The following PAK4 variants were observed in gnomAD, a reference collection of about 807,000 sequenced individuals.
The protein encoded by PAK4 is serine/threonine-protein kinase PAK 4.
Under a neutral mutation model 53.5 loss-of-function variants are expected in PAK4, and 49 were observed. The ratio of observed to expected loss-of-function variants is 0.92; its 90% CI spans 0.73 to 1.16. The LOEUF is 1.16. PAK4 is among the 50% of genes most tolerant of loss of function. The probability of loss-of-function intolerance (pLI) is 0.00; values close to 1 mark genes in which losing one functional copy is unlikely to be tolerated. For synonymous variants in PAK4, 376 were observed against 375.6 expected, an observed-to-expected ratio of 1.00 and a Z score of -0.01; for missense variants, 824 against 850.7, an observed-to-expected ratio of 0.97 and a Z score of 0.39.
chr19:39,130,038 C>T (rs1209415648), intron 1 of PAK4, among the ~76,000 whole-genome samples: 1 of 137,746 alleles, frequency 7.3e-6, no homozygotes, highest in East Asian at 2.3e-4. Context: ...GGTGACAGCC[C>T]AGAGAGGCCA....
At chr19:39,132,759 C>T (rs778617050) in intron 1 of PAK4, among the ~76,000 whole-genome samples, 1 of 152,232 alleles carries the variant, frequency 6.6e-6, no homozygotes, top group East Asian at 1.9e-4. Context: ...GTCTGGCTCA[C>T]ACTCCCACCC....
rs1300465666 is a variant in PAK4 at position 39,161,203 on chromosome 19, T to TG, written c.-22-8328dup. 6.6e-6 allele frequency among the ~76,000 whole-genome samples: 1 copy of TG among 152,220 alleles called. No individual in the cohort carries two copies. The highest frequency in any genetic ancestry group is 6.5e-5 in the Admixed American group (1 of 15,284). On this transcript the variant is annotated intron_variant, in intron 1 of 8. Transcript: ENST00000358301. The surrounding 1 kb of genome is among the most constrained non-coding windows in gnomAD (Gnocchi z 4.5). ...CCACGCCCTGCTGTAGGCACTGAAA[T>TG]GCAGCCATCATGAACCAAAACGCGG...
intron 1 of PAK4, among the ~76,000 whole-genome samples, chr19:39,152,869 C>T (rs2074115636): frequency 1.3e-5 from 2 of 152,038 alleles, no homozygotes; most frequent in African/African-American, 4.8e-5. Context: ...CCCTCAGGAT[C>T]ACGGGTTCTG....
intron 1 of PAK4, among the ~76,000 whole-genome samples, chr19:39,129,929 T>C (rs1218106848): frequency 6.6e-6 from 1 of 152,088 alleles, no homozygotes; most frequent in Non-Finnish European, 1.5e-5. Flanking sequence ...ACATTCTTTC[T>C]GTGTATCTGA....
intron 1 of PAK4, among the ~76,000 whole-genome samples, chr19:39,162,922 G>A (rs1281029915): frequency 1.3e-5 from 2 of 152,140 alleles, no homozygotes; most frequent in Non-Finnish European, 2.9e-5. Context: ...ACTCCTTGGA[G>A]GAACGAGGCT....
intron 1 of PAK4, among the ~76,000 whole-genome samples, chr19:39,138,144 A>G (rs1022331805): frequency 6.6e-6 from 1 of 152,042 alleles, no homozygotes; most frequent in African/African-American, 2.4e-5. Context: ...ACCCTGGGCT[A>G]ATGGGCTAAT....
intron 1 of PAK4, among the ~76,000 whole-genome samples, chr19:39,166,304 C>T (rs980507252): frequency 1.1e-4 from 17 of 152,168 alleles, no homozygotes; most frequent in African/African-American, 3.9e-4. Flanking sequence ...ATTAGCTGGG[C>T]GTGGTGGCAG....
At chr19:39,176,704 T>G in exon 7 of PAK4, 1 of 1,610,188 alleles carries the variant, frequency 6.2e-7, no homozygotes, top group Non-Finnish European at 8.5e-7. Flanking sequence ...CCGCCTTCCC[T>G]ACGGGCCAGA....
chr19:39,174,289 C>T (rs1312076452), intron 4 of PAK4, among the ~76,000 whole-genome samples: 1 of 151,970 alleles, frequency 6.6e-6, no homozygotes, highest in East Asian at 1.9e-4. Flanking sequence ...CTCGCACCCA[C>T]TGAGGCCCGC....
At chr19:39,166,806 T>C (rs2074383767) in intron 1 of PAK4, among the ~76,000 whole-genome samples, 1 of 152,122 alleles carries the variant, frequency 6.6e-6, no homozygotes, top group African/African-American at 2.4e-5. Context: ...GAGCATCTGT[T>C]GGGAAGGGAG....
intron 1 of PAK4, among the ~76,000 whole-genome samples, chr19:39,154,136 G>GA (rs1255587769): frequency 6.6e-6 from 1 of 152,024 alleles, no homozygotes; most frequent in Admixed American, 6.6e-5. Flanking sequence ...ACCTCCTGGG[G>GA]ACGAGCATTT....
At chr19:39,147,424 A>AT (rs1158874701) in intron 1 of PAK4, among the ~76,000 whole-genome samples, 1 of 152,008 alleles carries the variant, frequency 6.6e-6, no homozygotes, top group East Asian at 1.9e-4. Context: ...GGTTTTTCTA[A>AT]TTTTTTGGCT....
chr19:39,141,338 CAG>C (rs1267577758), intron 1 of PAK4, among the ~76,000 whole-genome samples: 2 of 149,206 alleles, frequency 1.3e-5, no homozygotes, highest in African/African-American at 4.9e-5. Context: ...TTTTTTGAGA[CAG>C]AGTCTCACTC....
rs141750252 is a variant in PAK4 at position 39,178,336 on chromosome 19, G to T, written c.1621-88G>T. 39 of 1,440,394 alleles carry T rather than the reference G, an allele frequency of 2.7e-5. 1 individual carries two copies. The Middle Eastern group carries it at 5.2e-4, about 19-fold the overall frequency. The allele number at this position is 1,440,394 out of a possible 1,614,324, so 89.2% of individuals were successfully genotyped here. ...CCCTCCTGCACAGTACATGCCGCCA[G>T]CCGACTTGGCAGAGGCGGACACTGC... On this transcript the variant is annotated intron_variant, in intron 8 of 8. Transcript: ENST00000358301. The surrounding 1 kb of genome is among the most constrained non-coding windows in gnomAD (Gnocchi z 4.4).
At position 39,173,902 on chromosome 19, in the gene PAK4, C is replaced by G; in HGVS notation, c.990C>G (p.Gly330=). 1.2e-6 allele frequency: 2 copies of G among 1,612,324 alleles called. No individual in the cohort carries two copies. The highest frequency in any genetic ancestry group is 2.2e-5 in the South Asian group (2 of 90,990). The change falls in exon 4 of 9, where the codon GGC becomes GGG. Residue 330 remains glycine (G), a synonymous_variant. Coordinates refer to ENST00000358301, the Ensembl canonical transcript of PAK4. The surrounding 1 kb of genome is among the most constrained non-coding windows in gnomAD (Gnocchi z 6.9). Reference sequence around the variant, plus strand: ...ACAACTTCATCAAGATTGGCGAGGGCTCCACGGGCATCGTGTGCATCGCCA... The same window carrying G: ...ACAACTTCATCAAGATTGGCGAGGGGTCCACGGGCATCGTGTGCATCGCCA...
rs751962517 is a variant in PAK4, at chr19:39,169,651, C to T, written c.98C>T (p.Thr33Met). The T allele has an allele frequency of 1.7e-5, 27 of 1,612,528 alleles. No individual in the cohort carries two copies. Among genetic ancestry groups the T allele is most frequent in the East Asian group, 1.1e-4 (5 of 44,866 alleles). ...TTCGACCAGCACGAGCAGAAGTTCA[C>T]GGGGCTGCCCCGCCAGTGGCAGAGC... The change falls in exon 2 of 9, where the codon ACG (threonine) becomes ATG (methionine). Residue 33 changes from threonine to methionine, a missense_variant. Thr to Met is a moderately conservative substitution (Grantham distance 81). Around this residue, in one of 2 missense-constraint regions of PAK4, gnomAD observed 478 missense variants for 435.8 expected, o/e 1.10. Transcript: ENST00000358301.
At position 39,163,401 on chromosome 19, in the gene PAK4, G is replaced by T. The variant is rs182165117; in HGVS notation, c.-22-6131G>T. Among the ~76,000 whole-genome samples, 29 of 152,310 alleles carry T rather than the reference G, an allele frequency of 1.9e-4. No homozygotes were observed. The East Asian group carries it at 4.6e-3, about 24-fold the overall frequency. On this transcript the variant is annotated intron_variant, in intron 1 of 8. Coordinates refer to ENST00000358301, the Ensembl canonical transcript of PAK4. Reference sequence around the variant, plus strand: ...TTTGATCAGAGCCTGGAGGGGGCGGGGCAGGAGGTAAGGGTTTTTGCACGC... The same window carrying T: ...TTTGATCAGAGCCTGGAGGGGGCGGTGCAGGAGGTAAGGGTTTTTGCACGC...
chr19:39,143,692 T>C (rs2073951188), intron 1 of PAK4, among the ~76,000 whole-genome samples: 1 of 146,800 alleles, frequency 6.8e-6, no homozygotes, highest in Non-Finnish European at 1.5e-5. Context: ...ATCCCAGCAC[T>C]CTGGGAGGCT....
chr19:39,142,981 C>T (rs921766072), intron 1 of PAK4, among the ~76,000 whole-genome samples: 1 of 152,140 alleles, frequency 6.6e-6, no homozygotes, highest in Admixed American at 6.5e-5. Context: ...GGGGCCTCCT[C>T]ACTGACCATG....
Sources: allele counts gnomAD v4.1 joint callset (sites outside exome capture counted in the v4.1 genomes callset), GRCh38; gene constraint gnomAD v4.1.1; regional missense constraint gnomAD v4.1.1; non-coding constraint Gnocchi (gnomAD v3.1); transcripts MANE v1.5; gene names NCBI Gene and HGNC (gene_info 2026-07-23, HGNC 2026-07-21).